Variants in LRP1B observed in about 807,000 individuals in gnomAD.
The protein encoded by LRP1B is LDL receptor related protein 1B.
A neutral mutation model predicts 556.6 loss-of-function variants in LRP1B; 217 were observed. The ratio of observed to expected loss-of-function variants is 0.39; its 90% CI spans 0.35 to 0.44. LRP1B has a LOEUF of 0.44. Ranked by LOEUF, LRP1B falls within the 20% of genes least tolerant of loss-of-function variation. The probability of loss-of-function intolerance (pLI) is 1.00; values close to 1 mark genes in which losing one functional copy is unlikely to be tolerated. For synonymous variants in LRP1B, 2,047 were observed against 1,865.8 expected, an observed-to-expected ratio of 1.10 and a Z score of -2.50; for missense variants, 5,053 against 5,620.8, an observed-to-expected ratio of 0.90 and a Z score of 3.23.
intron 32 of LRP1B, among the ~76,000 whole-genome samples, chr2:140,794,994 A>T (rs1480451652): frequency 2.0e-5 from 3 of 152,202 alleles, no homozygotes. Context: ...TCAATTTTTA[A>T]AAGTCTTATA....
intron 7 of LRP1B, among the ~76,000 whole-genome samples, chr2:141,065,347 T>C (rs1699451227): frequency 6.6e-6 from 1 of 151,978 alleles, no homozygotes; most frequent in Non-Finnish European, 1.5e-5. Context: ...AATCAATTCC[T>C]TTAACAATGT....
At position 140,631,803 on chromosome 2, in the gene LRP1B, C is replaced by T. The variant is rs145091281; in HGVS notation, c.6800-30164G>A. Among the ~76,000 whole-genome samples the T allele has an allele frequency of 2.5e-3, 383 of 152,160 alleles. 2 individuals are homozygous for T. The highest frequency in any genetic ancestry group is 9.0e-3 in the African/African-American group (372 of 41,520). On this transcript the variant is annotated intron_variant, in intron 41 of 90. Coordinates refer to ENST00000389484, the MANE Select transcript of LRP1B (RefSeq NM_018557.3). ...CCATAGATCTAGAAAGCTCAGAGAA[C>T]ACTAAGCAGAATAAATACTAAACTA... is the stretch of plus-strand genomic sequence containing the variant.
intron 31 of LRP1B, among the ~76,000 whole-genome samples, chr2:140,818,812 C>T (rs1262609407): frequency 6.6e-6 from 1 of 151,960 alleles, no homozygotes; most frequent in African/African-American, 2.4e-5. Flanking sequence ...TGTCACACGC[C>T]TGTAGTTGTA....
chr2:141,453,388 A>C (rs1436616434), intron 3 of LRP1B, among the ~76,000 whole-genome samples: 1 of 152,154 alleles, frequency 6.6e-6, no homozygotes, highest in Non-Finnish European at 1.5e-5. Context: ...TTGTTCAAAA[A>C]CATTCCAATT....
chr2:141,020,545 A>T (rs1396955104), intron 11 of LRP1B, among the ~76,000 whole-genome samples: 2 of 152,038 alleles, frequency 1.3e-5, no homozygotes. Context: ...AATCTGAGTA[A>T]TCGAAATAAT....
intron 62 of LRP1B, among the ~76,000 whole-genome samples, chr2:140,455,432 T>C (rs1214694408): frequency 1.3e-5 from 2 of 152,182 alleles, no homozygotes; most frequent in African/African-American, 4.8e-5. Flanking sequence ...AATCTGTATA[T>C]GGCATAGAAA....
intron 35 of LRP1B, among the ~76,000 whole-genome samples, chr2:140,750,576 G>A (rs1176015916): frequency 6.6e-6 from 1 of 152,090 alleles, no homozygotes; most frequent in Non-Finnish European, 1.5e-5. Flanking sequence ...AACAAAACAT[G>A]AATGCCCACT....
chr2:141,330,919 AT>A (rs1359774475), intron 3 of LRP1B, among the ~76,000 whole-genome samples: 19 of 151,974 alleles, frequency 1.3e-4, no homozygotes, highest in Non-Finnish European at 2.8e-4. Context: ...CGCCGGGCTA[AT>A]TTTTTTGGTT....
intron 20 of LRP1B, among the ~76,000 whole-genome samples, chr2:140,936,339 CAAAAAAAAAAAAAAAA>C (rs59717868): frequency 1.2e-5 from 1 of 86,824 alleles, no homozygotes; most frequent in Non-Finnish European, 2.1e-5. Context: ...GACTCCGTCT[CAAAAAAAAAAAAAAAA>C]AAAAAAAGAA....
At chr2:141,578,112 T>A (rs746548935) in intron 2 of LRP1B, among the ~76,000 whole-genome samples, 1 of 152,034 alleles carries the variant, frequency 6.6e-6, no homozygotes, top group African/African-American at 2.4e-5. Flanking sequence ...AAGAAATCAG[T>A]CAGCTGGGCG....
intron 62 of LRP1B, 39 bp from the exon 63 acceptor site, chr2:140,450,700 C>T: frequency 2.2e-6 from 3 of 1,393,040 alleles, no homozygotes; most frequent in Non-Finnish European, 3.0e-6. Flanking sequence ...GTTGAAGAAC[C>T]CAGTGCATAT....
intron 3 of LRP1B, among the ~76,000 whole-genome samples, chr2:141,472,227 A>G (rs62166282): frequency 0.44 from 66,849 of 152,010 alleles, 15,010 homozygotes; most frequent in Non-Finnish European, 0.49. Flanking sequence ...GGTGGGAGCA[A>G]TGGATACATG....
chr2:141,200,173 C>T (rs1475065132), intron 6 of LRP1B, among the ~76,000 whole-genome samples: 7 of 152,128 alleles, frequency 4.6e-5, no homozygotes, highest in African/African-American at 1.7e-4. Context: ...TGGAATCAAC[C>T]TTAATGCTCA....
At chr2:142,068,717 C>G (rs1017739826) in intron 1 of LRP1B, among the ~76,000 whole-genome samples, 17 of 151,484 alleles carry the variant, frequency 1.1e-4, no homozygotes, top group African/African-American at 4.1e-4. Flanking sequence ...CAGCCCAGAA[C>G]AGAGCTGTTT....
intron 1 of LRP1B, among the ~76,000 whole-genome samples, chr2:142,044,423 A>T (rs1704181582): frequency 1.3e-5 from 2 of 151,858 alleles, no homozygotes; most frequent in South Asian, 4.2e-4. Context: ...CAGTACAGTG[A>T]TCTGTTTCAG....
chr2:140,787,302 T>C lies in LRP1B; in HGVS notation c.5360-11064A>G, dbSNP rs1235225794. ...GTGCCATTTTGTGCTGGCCTCAATT[T>C]ACTTCTTCTATCTGGAATATTTCCC... On this transcript the variant is annotated intron_variant, in intron 32 of 90. Coordinates refer to ENST00000389484, the MANE Select transcript of LRP1B (RefSeq NM_018557.3). Among the ~76,000 whole-genome samples, 36 of 152,114 alleles carry C rather than the reference T, an allele frequency of 2.4e-4. 1 individual carries two copies. The highest frequency in any genetic ancestry group is 2.9e-5 in the Non-Finnish European group (2 of 68,026).
chr2:142,005,983 A>C (rs1330951462), intron 1 of LRP1B, among the ~76,000 whole-genome samples: 5 of 152,156 alleles, frequency 3.3e-5, no homozygotes, highest in Non-Finnish European at 5.9e-5. Flanking sequence ...AACAGAACAG[A>C]AAAAATGCCT....
intron 7 of LRP1B, among the ~76,000 whole-genome samples, chr2:141,085,376 A>C (rs1363706877): frequency 2.0e-5 from 3 of 152,212 alleles, no homozygotes; most frequent in African/African-American, 7.2e-5. Flanking sequence ...ACTGTATTTG[A>C]AAATAGGACT....
At chr2:140,731,232 G>T (rs1687765213) in intron 35 of LRP1B, among the ~76,000 whole-genome samples, 1 of 152,100 alleles carries the variant, frequency 6.6e-6, no homozygotes, top group African/African-American at 2.4e-5. Context: ...TTTACACAGA[G>T]GTTGCACAGC....
Sources: gnomAD v4.1 joint callset for allele counts (sites outside exome capture counted in the v4.1 genomes callset) on GRCh38, gnomAD v4.1.1 for gene constraint, MANE v1.5 for transcripts, NCBI Gene and HGNC (gene_info 2026-07-23, HGNC 2026-07-21) for gene names.